The following LRRC4C variants were observed in gnomAD, a reference collection of about 807,000 sequenced individuals.
The protein encoded by LRRC4C is leucine rich repeat containing 4C, also known as leucine-rich repeat-containing protein 4C.
Under a neutral mutation model 33.6 loss-of-function variants are expected in LRRC4C, and 5 were observed. The observed-to-expected ratio is 0.15, with a 90% CI of 0.08 to 0.31. LRRC4C has a LOEUF of 0.31. Among genes scored for constraint, LRRC4C ranks in the 10% least tolerant of loss-of-function variants. LRRC4C has a pLI of 1.00. For synonymous variants in LRRC4C, 329 were observed against 302.0 expected (o/e 1.09, Z -0.93); for missense variants, 560 against 796.7 (o/e 0.70, Z 3.58).
chr11:40,491,313 G>T (rs1162249389), intron 3 of LRRC4C, among the ~76,000 whole-genome samples: 1 of 152,050 alleles, frequency 6.6e-6, no homozygotes, highest in Admixed American at 6.6e-5. Context: ...AATGGGAGAA[G>T]CCATGTTGAT....
At chr11:41,077,195 A>T (rs1303429729) in intron 1 of LRRC4C, among the ~76,000 whole-genome samples, 1 of 152,250 alleles carries the variant, frequency 6.6e-6, no homozygotes, top group African/African-American at 2.4e-5. Context: ...CAGTCAGTGG[A>T]TCTAGCATTC....
At chr11:41,079,888 A>G (rs1478474035) in intron 1 of LRRC4C, among the ~76,000 whole-genome samples, 3 of 152,120 alleles carry the variant, frequency 2.0e-5, no homozygotes, top group Non-Finnish European at 4.4e-5. Flanking sequence ...AAGGGATTGG[A>G]TATCCCTGCT....
intron 1 of LRRC4C, among the ~76,000 whole-genome samples, chr11:41,400,130 C>A (rs1591434619): frequency 6.6e-6 from 1 of 151,922 alleles, no homozygotes; most frequent in East Asian, 1.9e-4. Context: ...TAAGTCAGAC[C>A]CTAGTTCAAA....
intron 1 of LRRC4C, among the ~76,000 whole-genome samples, chr11:41,367,099 A>C (rs1434191475): frequency 6.6e-6 from 1 of 152,194 alleles, no homozygotes; most frequent in Non-Finnish European, 1.5e-5. Flanking sequence ...ATCCAAAGAC[A>C]CAGGGAAGGT....
At position 40,777,146 on chromosome 11, in the gene LRRC4C, T is replaced by C. The variant is rs1478043727; in HGVS notation, c.-406-128868A>G. ...TTGCGACTTGCTTTACAGGCAAGCA[T>C]GTGCTCAATCTTAGAGTATGTTCCA... On this transcript the variant is annotated intron_variant, in intron 2 of 6. Transcript: ENST00000528697. 1.3e-5 allele frequency among the ~76,000 whole-genome samples: 2 copies of C among 152,212 alleles called. 1 individual carries two copies. Among genetic ancestry groups the C allele is most frequent in the East Asian group, 3.9e-4 (2 of 5,192 alleles).
intron 2 of LRRC4C, among the ~76,000 whole-genome samples, chr11:40,768,095 G>C (rs1304198312): frequency 6.6e-6 from 1 of 151,912 alleles, no homozygotes; most frequent in Non-Finnish European, 1.5e-5. Context: ...GATAAATAAA[G>C]AGGGACGATC....
chr11:41,013,264 T>C lies in LRRC4C; in HGVS notation c.-495-79541A>G, dbSNP rs114406395. Reference sequence around the variant, plus strand: ...TTTTAACATCTAGTTACTCATTGTATCCACTGCTTTTAACCTGTGTCTTTA... The same window carrying C: ...TTTTAACATCTAGTTACTCATTGTACCCACTGCTTTTAACCTGTGTCTTTA... On this transcript the variant is annotated intron_variant, in intron 1 of 6. Coordinates refer to ENST00000528697, the MANE Select transcript of LRRC4C (RefSeq NM_001258419.2). Among the ~76,000 whole-genome samples the C allele has an allele frequency of 4.8e-3, 735 of 152,338 alleles. 6 individuals carry two copies. Among genetic ancestry groups the C allele is most frequent in the African/African-American group, 0.017 (704 of 41,590 alleles).
At chr11:40,651,033 A>G (rs1942765897) in intron 2 of LRRC4C, among the ~76,000 whole-genome samples, 1 of 152,178 alleles carries the variant, frequency 6.6e-6, no homozygotes, top group Non-Finnish European at 1.5e-5. Flanking sequence ...ATCCCATCTT[A>G]ATAGAACATT....
intron 1 of LRRC4C, among the ~76,000 whole-genome samples, chr11:41,106,784 G>A (rs755907572): frequency 6.6e-6 from 1 of 151,968 alleles, no homozygotes; most frequent in African/African-American, 2.4e-5. Context: ...GGGAGGTGAA[G>A]GTGGGAGGAT....
chr11:41,147,920 C>T (rs979011571), intron 1 of LRRC4C, among the ~76,000 whole-genome samples: 2 of 152,008 alleles, frequency 1.3e-5, no homozygotes, highest in Admixed American at 6.6e-5. Flanking sequence ...GAGGCCCTGT[C>T]TTTAGAAAAA....
chr11:41,119,852 G>A (rs1264437101), intron 1 of LRRC4C, among the ~76,000 whole-genome samples: 1 of 152,092 alleles, frequency 6.6e-6, no homozygotes, highest in Non-Finnish European at 1.5e-5. Context: ...ATGAGCTGAG[G>A]ACATTAGTTT....
intron 4 of LRRC4C, among the ~76,000 whole-genome samples, chr11:40,268,218 G>A (rs1357121082): frequency 6.6e-6 from 1 of 152,092 alleles, no homozygotes; most frequent in Non-Finnish European, 1.5e-5. Context: ...GTGCTTTCTA[G>A]TTGGTTGTTG....
At chr11:40,834,338 G>A (rs1167993227) in intron 2 of LRRC4C, among the ~76,000 whole-genome samples, 2 of 151,970 alleles carry the variant, frequency 1.3e-5, no homozygotes, top group East Asian at 1.9e-4. Flanking sequence ...AGGCATGGTG[G>A]TACACATCTG....
At chr11:41,171,197 G>A (rs1450070459) in intron 1 of LRRC4C, among the ~76,000 whole-genome samples, 4 of 152,144 alleles carry the variant, frequency 2.6e-5, no homozygotes, top group African/African-American at 4.8e-5. Flanking sequence ...TCAGTGTGGC[G>A]ATTCCTCAGG....
chr11:40,247,809 A>T (rs1866469460), intron 4 of LRRC4C, among the ~76,000 whole-genome samples: 3 of 152,172 alleles, frequency 2.0e-5, no homozygotes, highest in Admixed American at 2.0e-4. Flanking sequence ...GTTCTAGAAA[A>T]GTTTGGAAGA....
chr11:41,291,714 G>A (rs1386915133), intron 1 of LRRC4C, among the ~76,000 whole-genome samples: 1 of 152,124 alleles, frequency 6.6e-6, no homozygotes, highest in Non-Finnish European at 1.5e-5. Flanking sequence ...ATAGAAAGAG[G>A]AGACTGAACA....
intron 1 of LRRC4C, among the ~76,000 whole-genome samples, chr11:41,401,884 A>G (rs1159337376): frequency 1.3e-5 from 2 of 151,984 alleles, no homozygotes; most frequent in Non-Finnish European, 2.9e-5. Flanking sequence ...CTCTAAAGGA[A>G]TGCCATTGCA....
chr11:41,099,366 C>T (rs1405597706), intron 1 of LRRC4C, among the ~76,000 whole-genome samples: 4 of 150,742 alleles, frequency 2.7e-5, no homozygotes, highest in African/African-American at 9.8e-5. Flanking sequence ...ATACCAAAAC[C>T]TGGCAGAGAC....
intron 3 of LRRC4C, among the ~76,000 whole-genome samples, chr11:40,320,766 T>C (rs1945803895): frequency 6.6e-6 from 1 of 152,170 alleles, no homozygotes; most frequent in Non-Finnish European, 1.5e-5. Context: ...TTTCAAATTC[T>C]GTGATAATTT....
Sources: gnomAD v4.1 joint callset for allele counts (sites outside exome capture counted in the v4.1 genomes callset) on GRCh38, gnomAD v4.1.1 for gene constraint, MANE v1.5 for transcripts, NCBI Gene and HGNC (gene_info 2026-07-23, HGNC 2026-07-21) for gene names.